The following DPP10 variants were observed in gnomAD, a reference collection of about 807,000 sequenced individuals.
The protein encoded by DPP10 is dipeptidyl peptidase like 10.
Under a neutral mutation model 120.9 loss-of-function variants are expected in DPP10, and 33 were observed. The ratio of observed to expected loss-of-function variants is 0.27; its 90% CI spans 0.21 to 0.37. The LOEUF is 0.37. Among genes scored for constraint, DPP10 ranks in the 10% least tolerant of loss-of-function variants. DPP10 has a pLI of 1.00. For missense variants in DPP10, 816 were observed against 942.8 expected (o/e 0.87, Z 1.76); for synonymous variants, 337 against 326.1 (o/e 1.03, Z -0.36).
intron 21 of DPP10, among the ~76,000 whole-genome samples, chr2:115,830,226 C>G (rs939788129): frequency 6.6e-6 from 1 of 151,666 alleles, no homozygotes; most frequent in Non-Finnish European, 1.5e-5. Context: ...GGTGTGGTGG[C>G]GAGTGTCTGT....
intron 5 of DPP10, among the ~76,000 whole-genome samples, chr2:115,590,934 T>G (rs891819114): frequency 6.6e-6 from 1 of 152,234 alleles, no homozygotes; most frequent in Non-Finnish European, 1.5e-5. Flanking sequence ...ATGAGTATTG[T>G]TTCATGTGTC....
chr2:115,513,258 T>G (rs1216695050), intron 4 of DPP10, among the ~76,000 whole-genome samples: 2 of 151,920 alleles, frequency 1.3e-5, no homozygotes, highest in Non-Finnish European at 2.9e-5. Context: ...TATTTTAAAC[T>G]TATTAGTGTC....
chr2:114,480,365 C>T (rs1329580615), intron 1 of DPP10, among the ~76,000 whole-genome samples: 2 of 151,952 alleles, frequency 1.3e-5, no homozygotes, highest in East Asian at 1.9e-4. Context: ...GGTATATACC[C>T]AAAGGATTAT....
At chr2:115,718,758 C>T (rs1028511885) in intron 7 of DPP10, among the ~76,000 whole-genome samples, 5 of 151,946 alleles carry the variant, frequency 3.3e-5, no homozygotes, top group African/African-American at 1.2e-4. Context: ...GGGCCTAGCA[C>T]ATAGGAGGTG....
intron 1 of DPP10, among the ~76,000 whole-genome samples, chr2:114,532,296 TACACACACACACACACACACAG>T (rs1686080867): frequency 1.3e-5 from 1 of 74,750 alleles, no homozygotes; most frequent in Non-Finnish European, 2.5e-5. Context: ...TATATATATA[TACACACACACACACACACACAG>T]ATACACACCA....
At chr2:114,820,938 C>A (rs555396140) in intron 1 of DPP10, among the ~76,000 whole-genome samples, 1 of 152,066 alleles carries the variant, frequency 6.6e-6, no homozygotes, top group Admixed American at 6.6e-5. Context: ...CATCTTCAGT[C>A]AAATTAGATA....
intron 5 of DPP10, among the ~76,000 whole-genome samples, chr2:115,549,680 G>A (rs2079754627): frequency 6.6e-6 from 1 of 151,962 alleles, no homozygotes; most frequent in Non-Finnish European, 1.5e-5. Context: ...TCCATTCTCT[G>A]CATAGAAACC....
At chr2:115,670,779 T>C (rs1232525008) in intron 5 of DPP10, among the ~76,000 whole-genome samples, 1 of 152,162 alleles carries the variant, frequency 6.6e-6, no homozygotes, top group Non-Finnish European at 1.5e-5. Flanking sequence ...TAATATTGTC[T>C]ACTTGATGCT....
chr2:115,628,287 T>C (rs987155323), intron 5 of DPP10, among the ~76,000 whole-genome samples: 4 of 152,190 alleles, frequency 2.6e-5, no homozygotes, highest in African/African-American at 9.6e-5. Context: ...GAGCTTTTTT[T>C]CATGCTTCTT....
chr2:114,516,541 A>C (rs1390181146), intron 1 of DPP10, among the ~76,000 whole-genome samples: 1 of 152,206 alleles, frequency 6.6e-6, no homozygotes, highest in Non-Finnish European at 1.5e-5. Flanking sequence ...CATTTTAAGG[A>C]AAAGGGGGAA....
At chr2:114,653,023 AGAGAGTGTGT>A (rs1696717807) in intron 1 of DPP10, among the ~76,000 whole-genome samples, 1 of 102,626 alleles carries the variant, frequency 9.7e-6, no homozygotes, top group South Asian at 2.6e-4. Context: ...AGAGAGAGAG[AGAGAGTGTGT>A]GTGTGTGTGT....
intron 5 of DPP10, among the ~76,000 whole-genome samples, chr2:115,578,063 G>A (rs549271015): frequency 1.3e-5 from 2 of 152,102 alleles, no homozygotes; most frequent in Admixed American, 6.5e-5. Context: ...CCTATTTCAC[G>A]TTCCTTTGAG....
chr2:115,218,947 G>T (rs571309510), intron 1 of DPP10, among the ~76,000 whole-genome samples: 1 of 152,162 alleles, frequency 6.6e-6, no homozygotes, highest in South Asian at 2.1e-4. Context: ...TAACCTATTA[G>T]TGTTAGATGC....
chr2:115,625,794 T>A (rs936899561), intron 5 of DPP10, among the ~76,000 whole-genome samples: 1 of 152,054 alleles, frequency 6.6e-6, no homozygotes, highest in Non-Finnish European at 1.5e-5. Context: ...AATTTATGTA[T>A]AACCACTGAG....
At chr2:115,161,773 C>G in intron 1 of DPP10, 1 of 517,122 alleles carries the variant, frequency 1.9e-6, no homozygotes, top group Non-Finnish European at 3.2e-6. Flanking sequence ...AGGGAGGGAC[C>G]CTACGACGGG....
At chr2:115,803,705 G>A (rs921234063) in intron 19 of DPP10, among the ~76,000 whole-genome samples, 6 of 152,108 alleles carry the variant, frequency 3.9e-5, no homozygotes, top group South Asian at 2.1e-4. Context: ...AGTTTGGCTG[G>A]ATATGAAATT....
intron 1 of DPP10, among the ~76,000 whole-genome samples, chr2:114,488,130 T>G (rs1681668315): frequency 6.6e-6 from 1 of 152,194 alleles, no homozygotes; most frequent in African/African-American, 2.4e-5. Context: ...CAAAAATGGC[T>G]TTAAATTTTA....
chr2:115,657,946 A>G (rs2088543865), intron 5 of DPP10, among the ~76,000 whole-genome samples: 1 of 151,902 alleles, frequency 6.6e-6, no homozygotes, highest in East Asian at 1.9e-4. Flanking sequence ...GCATAGGTAC[A>G]TGTTGCCCTT....
chr2:114,662,057 G>A (rs1231847466), intron 1 of DPP10, among the ~76,000 whole-genome samples: 2 of 151,516 alleles, frequency 1.3e-5, no homozygotes, highest in Admixed American at 6.6e-5. Flanking sequence ...CGAGGCCTCA[G>A]GTCGGCCGGC....
Sources: allele counts gnomAD v4.1 joint callset (sites outside exome capture counted in the v4.1 genomes callset), GRCh38; gene constraint gnomAD v4.1.1; transcripts MANE v1.5; gene names NCBI Gene and HGNC (gene_info 2026-07-23, HGNC 2026-07-21).